Variants in EFCAB6 observed in about 807,000 individuals in gnomAD.
EFCAB6 encodes the protein EF-hand calcium-binding domain-containing protein 6.
In EFCAB6, 156 loss-of-function variants were observed where a neutral mutation model predicts 169.8. The ratio of observed to expected loss-of-function variants is 0.92; its 90% CI spans 0.81 to 1.05. The LOEUF is 1.05. Ranked by LOEUF, EFCAB6 falls within the 50% of genes least tolerant of loss-of-function variation. The pLI is 0.00. For missense variants in EFCAB6, 1,800 were observed against 1,829.1 expected (o/e 0.98, Z 0.29); for synonymous variants, 698 against 676.4 (o/e 1.03, Z -0.50).
At chr22:43,546,826 T>C (rs1243274467) in intron 27 of EFCAB6, among the ~76,000 whole-genome samples, 2 of 150,516 alleles carry the variant, frequency 1.3e-5, no homozygotes, top group Non-Finnish European at 2.9e-5. Context: ...TGAGACGAGA[T>C]CATGCCATTG....
chr22:43,781,606 A>G (rs1014414891), intron 3 of EFCAB6, among the ~76,000 whole-genome samples: 2 of 152,230 alleles, frequency 1.3e-5, no homozygotes, highest in African/African-American at 4.8e-5. Context: ...TTGGATTAAC[A>G]GGCATGAGCC....
chr22:43,735,181 A>T (rs1331011767), intron 7 of EFCAB6, among the ~76,000 whole-genome samples: 1 of 152,044 alleles, frequency 6.6e-6, no homozygotes, highest in Non-Finnish European at 1.5e-5. Flanking sequence ...AATGATGTGG[A>T]GTTTATAGGA....
Position 43,537,159 on chromosome 22 carries a change from T to A in EFCAB6, c.4048+218A>T, listed in dbSNP as rs1350406655. ...AGTTAGTGCAGCGCTGACTTTACCATGCAGATGGGCCCCCTGCTGGGAGGG... is the reference window on the plus strand; with the variant it reads ...AGTTAGTGCAGCGCTGACTTTACCAAGCAGATGGGCCCCCTGCTGGGAGGG... On this transcript the variant is annotated intron_variant, in intron 29 of 31. Coordinates refer to ENST00000262726, the MANE Select transcript of EFCAB6 (RefSeq NM_022785.4). The surrounding 1 kb of genome is among the most constrained non-coding windows in gnomAD (Gnocchi z 4.3). 3 of 512,422 alleles carry A rather than the reference T, an allele frequency of 5.9e-6. No individual in the cohort carries two copies. Among genetic ancestry groups the A allele is most frequent in the Non-Finnish European group, 1.0e-5 (3 of 291,548 alleles). The allele number at this position is 512,422 out of a possible 1,614,324, so 31.7% of individuals were successfully genotyped here.
At chr22:43,645,286 A>G (rs1283105194) in intron 17 of EFCAB6, among the ~76,000 whole-genome samples, 3 of 152,270 alleles carry the variant, frequency 2.0e-5, no homozygotes, top group African/African-American at 7.2e-5. Flanking sequence ...CCAGAATACA[A>G]GCATTGCTTT....
chr22:43,550,218 G>A (rs1255290177), intron 27 of EFCAB6, among the ~76,000 whole-genome samples: 1 of 152,142 alleles, frequency 6.6e-6, no homozygotes. Flanking sequence ...CACCGAGGGA[G>A]ACACAAGCTC....
At chr22:43,770,761 G>A (rs1004214628) in intron 4 of EFCAB6, among the ~76,000 whole-genome samples, 1 of 151,808 alleles carries the variant, frequency 6.6e-6, no homozygotes, top group Admixed American at 6.6e-5. Context: ...AAATGTTTAA[G>A]AGAGGAAAGA....
intron 26 of EFCAB6, among the ~76,000 whole-genome samples, chr22:43,564,274 C>G (rs191993612): frequency 6.6e-6 from 1 of 151,684 alleles, no homozygotes; most frequent in African/African-American, 2.4e-5. Context: ...ATGGCGAAAC[C>G]CCATCTCTAC....
rs940817069 is a variant in EFCAB6 at position 43,809,101 on chromosome 22, T to C, written c.-114A>G. On this transcript the variant is annotated 5_prime_UTR_variant, in exon 2 of 32. Coordinates refer to ENST00000262726, the MANE Select transcript of EFCAB6 (RefSeq NM_022785.4). ...CCACACTTTTGTCATTGGGCAGTAA[T>C]CTAGGCCCTTCCAATCCTCTGCGAT... The C allele has an allele frequency of 2.0e-5, 3 of 152,240 alleles. No individual in the cohort carries two copies. The highest frequency in any genetic ancestry group is 7.2e-5 in the African/African-American group (3 of 41,456). 9.4% of individuals were successfully genotyped at this position (152,240 alleles called of 1,614,324 possible). A position where few individuals can be genotyped will look rare whatever the true frequency, so the allele number is the denominator to read the frequency against.
intron 23 of EFCAB6, among the ~76,000 whole-genome samples, chr22:43,592,320 A>G (rs1222628545): frequency 1.3e-5 from 2 of 152,250 alleles, no homozygotes; most frequent in Non-Finnish European, 2.9e-5. Context: ...GTATCCCAAC[A>G]GCAGCATTTT....
At chr22:43,590,005 A>G in intron 24 of EFCAB6, 69 bp downstream of exon 24, 1 of 1,557,820 alleles carries the variant, frequency 6.4e-7, no homozygotes, top group Admixed American at 1.9e-5. Flanking sequence ...CATACAGAAG[A>G]AACAAAGGCA....
chr22:43,600,575 C>T (rs2052428764), intron 22 of EFCAB6, among the ~76,000 whole-genome samples: 1 of 152,254 alleles, frequency 6.6e-6, no homozygotes, highest in Non-Finnish European at 1.5e-5. Flanking sequence ...CCAAGCCACT[C>T]ACCTGTCATT....
chr22:43,713,127 C>A (rs1388146711), intron 9 of EFCAB6, among the ~76,000 whole-genome samples: 1 of 152,042 alleles, frequency 6.6e-6, no homozygotes, highest in Non-Finnish European at 1.5e-5. Context: ...CTGTTATTCT[C>A]TCTCATAACA....
At chr22:43,598,262 G>T (rs1185699159) in intron 23 of EFCAB6, among the ~76,000 whole-genome samples, 1 of 130,394 alleles carries the variant, frequency 7.7e-6, no homozygotes, top group Non-Finnish European at 1.6e-5. Context: ...AGCCGTGATG[G>T]AGCCACTGCA....
At chr22:43,746,586 A>C (rs1237924783) in intron 6 of EFCAB6, among the ~76,000 whole-genome samples, 1 of 152,138 alleles carries the variant, frequency 6.6e-6, no homozygotes, top group Non-Finnish European at 1.5e-5. Context: ...ACAGCTATGA[A>C]AAGGTGCCCC....
chr22:43,637,077 T>C (rs2055460452), intron 17 of EFCAB6, among the ~76,000 whole-genome samples: 1 of 152,102 alleles, frequency 6.6e-6, no homozygotes. Flanking sequence ...AGAGGCCACA[T>C]AGGCAAAATC....
At position 43,555,056 on chromosome 22, in the gene EFCAB6, G is replaced by A. The variant is rs199889195; in HGVS notation, c.3461C>T (p.Pro1154Leu). 4.1e-5 allele frequency: 66 copies of A among 1,614,210 alleles called. No individual in the cohort carries two copies. The East Asian group carries it at 7.8e-4, about 19-fold the overall frequency. The change falls in exon 27 of 32, where the codon CCG becomes CTG. Residue 1154 changes from proline to leucine, a missense_variant. Transcript: ENST00000262726. ...EWAEKMPKGP[P>L]PTSPKATADR... is the part of the protein sequence containing the mutation. The stretch of plus-strand genomic sequence containing the variant: ...GGCTGTGGCCTTGGGAGAGGTAGGC[G>A]GCGGGCCTTTGGGCATTTTCTCAGC...
intron 8 of EFCAB6, among the ~76,000 whole-genome samples, chr22:43,718,063 C>CCCATCCATCCATCCATCCATCCAT (rs71188406): frequency 5.1e-4 from 67 of 132,010 alleles, no homozygotes; most frequent in African/African-American, 1.5e-3. Context: ...CATCCATCCA[C>CCCATCCATCCATCCATCCATCCAT]CCATCCATCC....
chr22:43,630,785 C>T (rs745894700), intron 19 of EFCAB6, among the ~76,000 whole-genome samples: 2 of 152,250 alleles, frequency 1.3e-5, no homozygotes, highest in African/African-American at 2.4e-5. Context: ...GCCTCCTCCA[C>T]GCTGGAGCCC....
intron 9 of EFCAB6, among the ~76,000 whole-genome samples, chr22:43,712,036 A>G (rs909936585): frequency 6.6e-6 from 1 of 152,252 alleles, no homozygotes; most frequent in African/African-American, 2.4e-5. Flanking sequence ...TATTAAAAAT[A>G]GAAGTAGCTT....
Sources: allele counts gnomAD v4.1 joint callset (sites outside exome capture counted in the v4.1 genomes callset), GRCh38; gene constraint gnomAD v4.1.1; non-coding constraint Gnocchi (gnomAD v3.1); transcripts MANE v1.5; gene names NCBI Gene and HGNC (gene_info 2026-07-23, HGNC 2026-07-21).